GRID2: variants seen among roughly 807,000 people sequenced by gnomAD.
GRID2 encodes the protein glutamate ionotropic receptor delta type subunit 2.
A neutral mutation model predicts 114.8 loss-of-function variants in GRID2; 33 were observed. The ratio of observed to expected loss-of-function variants is 0.29; its 90% CI spans 0.22 to 0.38. GRID2 has a LOEUF of 0.38. Ranked by LOEUF, GRID2 falls within the 10% of genes least tolerant of loss-of-function variation. GRID2 has a pLI of 1.00. For missense variants in GRID2, 1,184 were observed against 1,257.7 expected (o/e 0.94, Z 0.89); for synonymous variants, 505 against 449.9 (o/e 1.12, Z -1.55).
At chr4:93,760,787 G>A (rs1256354323) in intron 14 of GRID2, among the ~76,000 whole-genome samples, 1 of 152,126 alleles carries the variant, frequency 6.6e-6, no homozygotes, top group East Asian at 1.9e-4. Context: ...TCAGTTCATT[G>A]TCTTACCCGT....
At chr4:92,666,550 C>T (rs79909146) in intron 2 of GRID2, among the ~76,000 whole-genome samples, 4 of 151,074 alleles carry the variant, frequency 2.6e-5, no homozygotes, top group Admixed American at 1.3e-4. Flanking sequence ...CACTCCTTCA[C>T]CTGGATATGC....
At chr4:92,404,639 T>G (rs548942754) in intron 1 of GRID2, among the ~76,000 whole-genome samples, 96 of 152,214 alleles carry the variant, frequency 6.3e-4, no homozygotes, top group African/African-American at 2.2e-3. Context: ...CAAATGCCCA[T>G]CAATGATAGA....
chr4:93,417,648 A>G (rs953563585), intron 9 of GRID2, among the ~76,000 whole-genome samples: 1 of 151,902 alleles, frequency 6.6e-6, no homozygotes, highest in African/African-American at 2.4e-5. Context: ...CTACGTGTGA[A>G]TTCTTAAATA....
At chr4:92,478,745 G>A (rs183666477) in intron 1 of GRID2, among the ~76,000 whole-genome samples, 112 of 151,948 alleles carry the variant, frequency 7.4e-4, no homozygotes, top group Non-Finnish European at 4.4e-4. Flanking sequence ...TTCCCTTTAT[G>A]GTTTTCCATC....
chr4:93,788,671 A>G (rs180836341), intron 1 of GRID2, among the ~76,000 whole-genome samples: 191 of 152,340 alleles, frequency 1.3e-3, no homozygotes, highest in African/African-American at 4.4e-3. Flanking sequence ...ACCAAATTAT[A>G]TGATCTAAAG....
chr4:93,692,936 C>T (rs1726694636), intron 14 of GRID2, among the ~76,000 whole-genome samples: 1 of 152,038 alleles, frequency 6.6e-6, no homozygotes, highest in South Asian at 2.1e-4. Context: ...TTTATGATTG[C>T]CTACAAGTAT....
chr4:92,782,484 C>A (rs1419170960), intron 2 of GRID2, among the ~76,000 whole-genome samples: 2 of 152,030 alleles, frequency 1.3e-5, no homozygotes, highest in East Asian at 3.9e-4. Flanking sequence ...CTGTAAAATT[C>A]TTATCTGAGA....
chr4:93,479,470 A>G (rs1204921779), intron 11 of GRID2, among the ~76,000 whole-genome samples: 2 of 152,126 alleles, frequency 1.3e-5, no homozygotes, highest in Admixed American at 6.6e-5. Context: ...GAGAATTCTC[A>G]TGACAGGCTG....
intron 4 of GRID2, among the ~76,000 whole-genome samples, chr4:93,177,370 A>G (rs1265867261): frequency 6.6e-6 from 1 of 152,158 alleles, no homozygotes; most frequent in Non-Finnish European, 1.5e-5. Flanking sequence ...CATGCCATAG[A>G]TGAATCCTTT....
chr4:92,858,620 C>T (rs1016150885), intron 2 of GRID2, among the ~76,000 whole-genome samples: 3 of 152,098 alleles, frequency 2.0e-5, no homozygotes, highest in Non-Finnish European at 2.9e-5. Context: ...TGCAGTGGTG[C>T]GATCTCACCT....
chr4:92,915,613 G>A lies in GRID2; in HGVS notation c.245-169382G>A, dbSNP rs765939003. 2.0e-5 allele frequency among the ~76,000 whole-genome samples: 3 copies of A among 152,052 alleles called. No individual in the cohort carries two copies. The South Asian group carries it at 6.2e-4, about 31-fold the overall frequency. ...GATTGCTGGGCCAAATGTTATTTCT[G>A]CTTTTAGATTTTTGAGGGATCAACC... is the stretch of plus-strand genomic sequence containing the variant. On this transcript the variant is annotated intron_variant, in intron 2 of 15. Coordinates refer to ENST00000282020, the MANE Select transcript of GRID2 (RefSeq NM_001510.4).
At chr4:93,764,991 A>G (rs114596764) in intron 14 of GRID2, among the ~76,000 whole-genome samples, 147 of 152,286 alleles carry the variant, frequency 9.7e-4, no homozygotes, top group Non-Finnish European at 1.3e-3. Context: ...TATAATTACA[A>G]GGTACAATTC....
At chr4:93,637,498 T>A (rs145027955) in intron 14 of GRID2, among the ~76,000 whole-genome samples, 1 of 152,322 alleles carries the variant, frequency 6.6e-6, no homozygotes, top group East Asian at 1.9e-4. Context: ...AATAAGGATC[T>A]AAATTGTCTT....
intron 2 of GRID2, among the ~76,000 whole-genome samples, chr4:92,794,905 TAC>T (rs1553928475): frequency 9.2e-4 from 118 of 127,786 alleles, no homozygotes; most frequent in African/African-American, 3.2e-3. Flanking sequence ...TATATATATA[TAC>T]ACACACACAC....
intron 2 of GRID2, chr4:92,822,333 C>T (rs772442044): frequency 3.2e-6 from 2 of 626,544 alleles, no homozygotes; most frequent in African/African-American, 1.8e-5. Context: ...TCTGGAGAGA[C>T]AGTCACAGTG....
At chr4:92,643,980 T>C (rs531837014) in intron 2 of GRID2, among the ~76,000 whole-genome samples, 1 of 151,896 alleles carries the variant, frequency 6.6e-6, no homozygotes, top group Non-Finnish European at 1.5e-5. Flanking sequence ...TTTAACTCAT[T>C]GTCTTATGAA....
chr4:92,879,481 G>C (rs1318141925), intron 2 of GRID2, among the ~76,000 whole-genome samples: 2 of 152,212 alleles, frequency 1.3e-5, no homozygotes, highest in Non-Finnish European at 2.9e-5. Context: ...TGGACTAGTA[G>C]CAGTGTATAC....
intron 2 of GRID2, among the ~76,000 whole-genome samples, chr4:92,657,639 A>C (rs1732310561): frequency 6.6e-6 from 1 of 151,048 alleles, no homozygotes. Context: ...AAAGAGGAAA[A>C]ACAAAAAGCA....
intron 4 of GRID2, among the ~76,000 whole-genome samples, chr4:93,140,419 A>G (rs1187458948): frequency 6.6e-6 from 1 of 151,936 alleles, no homozygotes; most frequent in African/African-American, 2.4e-5. Flanking sequence ...AGGCCTCCCA[A>G]AGTGCTGGGA....
Sources: gnomAD v4.1 joint callset for allele counts (sites outside exome capture counted in the v4.1 genomes callset) on GRCh38, gnomAD v4.1.1 for gene constraint, MANE v1.5 for transcripts, NCBI Gene and HGNC (gene_info 2026-07-23, HGNC 2026-07-21) for gene names.